Variants in RHOBTB2 observed in about 807,000 individuals in gnomAD.
RHOBTB2 encodes rho-related BTB domain-containing protein 2.
RHOBTB2 carries 39 observed loss-of-function variants against 66.5 expected under a neutral mutation model. The observed-to-expected ratio is 0.59, with a 90% CI of 0.45 to 0.77. The LOEUF (loss-of-function observed/expected upper bound fraction) is 0.77, where lower values mean the gene tolerates loss of function less well. RHOBTB2 is among the 30% of genes least tolerant of loss of function. The probability of loss-of-function intolerance (pLI) is 0.00; values close to 1 mark genes in which losing one functional copy is unlikely to be tolerated. For synonymous variants in RHOBTB2, 390 were observed against 395.0 expected, an observed-to-expected ratio of 0.99 and a Z score of 0.15; for missense variants, 755 against 999.1, an observed-to-expected ratio of 0.76 and a Z score of 3.29.
chr8:22,983,873 T>C (rs543893201), upstream of RHOBTB2, among the ~76,000 whole-genome samples: 1 of 152,298 alleles, frequency 6.6e-6, no homozygotes, highest in Admixed American at 6.5e-5. Flanking sequence ...TAGCTGGGAC[T>C]ACAGGTGTGC....
the RHOBTB2 span, among the ~76,000 whole-genome samples, chr8:22,955,858 C>T: frequency 6.6e-6 from 1 of 152,172 alleles, no homozygotes; most frequent in Non-Finnish European, 1.5e-5. Flanking sequence ...GCATGAGCCA[C>T]TGTACCCAGA....
chr8:22,954,329 T>C, the RHOBTB2 span, among the ~76,000 whole-genome samples: 1 of 152,340 alleles, frequency 6.6e-6, no homozygotes, highest in Non-Finnish European at 1.5e-5. Context: ...TTGTTTTGTT[T>C]TGTTTTTGTT....
chr8:23,013,150 G>C (rs1585195907), intron 7 of RHOBTB2, among the ~76,000 whole-genome samples: 1 of 152,030 alleles, frequency 6.6e-6, no homozygotes, highest in Non-Finnish European at 1.5e-5. Flanking sequence ...GCCTGGACTG[G>C]TCTTAAACTC....
intron 7 of RHOBTB2, among the ~76,000 whole-genome samples, chr8:23,012,843 T>C (rs976409176): frequency 2.0e-4 from 31 of 152,134 alleles, no homozygotes; most frequent in African/African-American, 6.3e-4. Flanking sequence ...TCACTTGGTC[T>C]CTCAGGCTGG....
At chr8:22,983,018 C>T (rs2128793701), upstream of RHOBTB2, among the ~76,000 whole-genome samples, 1 of 152,228 alleles carries the variant, frequency 6.6e-6, no homozygotes, top group East Asian at 1.9e-4. Context: ...AAAGCCCCAC[C>T]TCTTAATACT....
At chr8:23,001,154 C>T (rs1205080528) in intron 1 of RHOBTB2, among the ~76,000 whole-genome samples, 1 of 152,104 alleles carries the variant, frequency 6.6e-6, no homozygotes, top group Non-Finnish European at 1.5e-5. Flanking sequence ...ATGGAAGGAA[C>T]ACATGCCAGT....
the RHOBTB2 span, among the ~76,000 whole-genome samples, chr8:22,965,546 A>G: frequency 6.6e-6 from 1 of 152,230 alleles, no homozygotes; most frequent in Admixed American, 6.5e-5. Flanking sequence ...AAAAAGCTAC[A>G]GTAATCAAAA....
the RHOBTB2 span, among the ~76,000 whole-genome samples, chr8:22,979,693 CTTTT>C: frequency 1.4e-5 from 2 of 142,014 alleles, no homozygotes; most frequent in Admixed American, 1.4e-4. Flanking sequence ...TATGGGAATT[CTTTT>C]TTTTTCTTTT....
At chr8:22,981,827 T>A in the RHOBTB2 span, among the ~76,000 whole-genome samples, 1 of 152,096 alleles carries the variant, frequency 6.6e-6, no homozygotes. Context: ...GAGTTTAGGG[T>A]CTCAGCCTGG....
chr8:23,007,353 A>T lies in RHOBTB2; in HGVS notation c.1108A>T (p.Ile370Phe). ...AGLRASTSDGILRGNGTGYLP... is the reference protein window; with the variant it reads ...AGLRASTSDGFLRGNGTGYLP... ...CCTCCGTGCTTCCACCAGCGACGGG[A>T]TCTTACGGGGCAACGGAACAGGGTA... The change falls in exon 5 of 10, where the codon ATC (isoleucine) becomes TTC (phenylalanine). Residue 370 changes from isoleucine to phenylalanine, a missense_variant. Around this residue, in one of 7 missense-constraint regions of RHOBTB2, gnomAD observed 247 missense variants for 238.9 expected, o/e 1.03. Transcript: ENST00000251822. The T allele has an allele frequency of 6.2e-7, 1 of 1,613,770 alleles. No individual in the cohort carries two copies. Among genetic ancestry groups the T allele is most frequent in the Non-Finnish European group, 8.5e-7 (1 of 1,179,832 alleles).
intron 8 of RHOBTB2, among the ~76,000 whole-genome samples, chr8:23,015,007 G>C (rs926325342): frequency 6.6e-6 from 1 of 152,158 alleles, no homozygotes. Flanking sequence ...TGAGGCTTTA[G>C]GCAGCAGTAG....
intron 1 of RHOBTB2, among the ~76,000 whole-genome samples, chr8:22,990,986 G>A (rs182401865): frequency 3.9e-5 from 6 of 152,256 alleles, no homozygotes; most frequent in African/African-American, 1.2e-4. Context: ...GTCCTGCAGC[G>A]CAGTGCTTTG....
Position 23,006,611 on chromosome 8 carries a change from C to A in RHOBTB2, c.483-117C>A. The stretch of plus-strand genomic sequence containing the variant: ...TGGGATTTGGCCAGACAGAGCAGGG[C>A]AGGAGTGGGTGGGGATTGGCACCCA... On this transcript the variant is annotated intron_variant, in intron 4 of 9. Coordinates refer to ENST00000251822, the MANE Select transcript of RHOBTB2 (RefSeq NM_015178.3). This position sits in a 1 kb window ranked among gnomAD's most constrained non-coding sequence, Gnocchi z 6.1. 1.0e-6 allele frequency: 1 copy of A among 968,146 alleles called. No homozygotes were observed. Among genetic ancestry groups the A allele is most frequent in the Non-Finnish European group, 1.6e-6 (1 of 632,298 alleles). The allele number at this position is 968,146 out of a possible 1,614,324, so 60.0% of individuals were successfully genotyped here.
At chr8:22,960,696 A>C in the RHOBTB2 span, among the ~76,000 whole-genome samples, 1 of 152,206 alleles carries the variant, frequency 6.6e-6, no homozygotes, top group South Asian at 2.1e-4. Context: ...TACGTGCAAG[A>C]CAATCAATAA....
chr8:23,007,971 C>A, intron 5 of RHOBTB2, 22 bp from the exon 6 acceptor site: 1 of 1,601,964 alleles, frequency 6.2e-7, no homozygotes, highest in Non-Finnish European at 8.6e-7. Context: ...ACCAGTCCTC[C>A]TGTGATGCTT....
At chr8:22,982,476 G>C (rs1810228420), upstream of RHOBTB2, among the ~76,000 whole-genome samples, 1 of 152,162 alleles carries the variant, frequency 6.6e-6, no homozygotes, top group South Asian at 2.1e-4. Context: ...GCAAAAATTA[G>C]CTGAGTATAA....
the RHOBTB2 span, among the ~76,000 whole-genome samples, chr8:22,976,094 C>T: frequency 1.3e-5 from 2 of 152,000 alleles, no homozygotes; most frequent in African/African-American, 4.8e-5. Flanking sequence ...TGCAGTGAGC[C>T]AAGATCATGC....
chr8:22,975,064 C>T, the RHOBTB2 span, among the ~76,000 whole-genome samples: 8 of 152,266 alleles, frequency 5.3e-5, no homozygotes, highest in East Asian at 1.5e-3. Flanking sequence ...ATACTGCTGA[C>T]CCCAAAACCC....
the RHOBTB2 span, among the ~76,000 whole-genome samples, chr8:22,960,927 A>G: frequency 2.6e-5 from 4 of 152,308 alleles, no homozygotes; most frequent in Admixed American, 2.6e-4. Context: ...AAACCTGAAA[A>G]GTTATTTCTA....
Sources: gnomAD v4.1 joint callset for allele counts (sites outside exome capture counted in the v4.1 genomes callset) on GRCh38, gnomAD v4.1.1 for gene constraint, gnomAD v4.1.1 regional missense constraint, Gnocchi (gnomAD v3.1) non-coding constraint, MANE v1.5 for transcripts, NCBI Gene and HGNC (gene_info 2026-07-23, HGNC 2026-07-21) for gene names.